RIMBP2: variants seen among roughly 807,000 people sequenced by gnomAD.
RIMBP2 encodes RIMS binding protein 2, also known as RIMS-binding protein 2.
A neutral mutation model predicts 118.6 loss-of-function variants in RIMBP2; 48 were observed. The ratio of observed to expected loss-of-function variants is 0.40; its 90% CI spans 0.32 to 0.51. The LOEUF (loss-of-function observed/expected upper bound fraction) is 0.51, where lower values mean the gene tolerates loss of function less well. Ranked by LOEUF, RIMBP2 falls within the 20% of genes least tolerant of loss-of-function variation. RIMBP2 has a pLI of 0.41. For missense variants in RIMBP2, 1,551 were observed against 1,768.3 expected, an observed-to-expected ratio of 0.88 and a Z score of 2.20; for synonymous variants, 762 against 742.9, an observed-to-expected ratio of 1.03 and a Z score of -0.42.
At chr12:130,544,908 G>A (rs1344361604) in intron 2 of RIMBP2, among the ~76,000 whole-genome samples, 1 of 152,114 alleles carries the variant, frequency 6.6e-6, no homozygotes, top group African/African-American at 2.4e-5. Flanking sequence ...TGGAGAGAGT[G>A]CGGGTGAGAG....
At chr12:130,546,326 C>T (rs1465645563) in intron 2 of RIMBP2, among the ~76,000 whole-genome samples, 2 of 152,000 alleles carry the variant, frequency 1.3e-5, no homozygotes, top group African/African-American at 2.4e-5. Context: ...GACAGAATCT[C>T]GCTCTGTCGC....
At chr12:130,646,058 ACCACCTGCCTCT>A (rs1276168428) in intron 1 of RIMBP2, among the ~76,000 whole-genome samples, 1,379 of 114,272 alleles carry the variant, frequency 0.012, 63 homozygotes, top group East Asian at 0.02. Context: ...CACCTCCCTC[ACCACCTGCCTCT>A]CCACCTCCCT....
Position 130,424,739 on chromosome 12 carries a change from G to A in RIMBP2, c.2532C>T (p.Cys844=), listed in dbSNP as rs1566010413. ...CACCCTGCTTGTGTAGCAGCCCACA[G>A]CACTCTCCGTCCTCTTCCGCTACTT... ...IPEVAEEDGE[C]CGLLHKQGAG... Residue 844 remains cysteine, a synonymous_variant, in exon 16 of 23, where the codon TGC becomes TGT. Coordinates refer to ENST00000690449, the MANE Select transcript of RIMBP2 (RefSeq NM_001393629.1). This position sits in a 1 kb window ranked among gnomAD's most constrained non-coding sequence, Gnocchi z 9.8. 28 of 1,232,264 alleles carry A rather than the reference G, an allele frequency of 2.3e-5. No individual in the cohort carries two copies. Among genetic ancestry groups the A allele is most frequent in the Non-Finnish European group, 2.8e-5 (28 of 988,072 alleles). 76.3% of individuals were successfully genotyped at this position (1,232,264 alleles called of 1,614,324 possible).
intron 1 of RIMBP2, among the ~76,000 whole-genome samples, chr12:130,684,159 T>A (rs192608140): frequency 8.0e-4 from 122 of 152,302 alleles, no homozygotes; most frequent in Non-Finnish European, 1.4e-3. Context: ...TTCTATTGAT[T>A]CCAGGTCTTC....
intron 1 of RIMBP2, among the ~76,000 whole-genome samples, chr12:130,633,604 C>A (rs1370832454): frequency 6.6e-6 from 1 of 152,142 alleles, no homozygotes; most frequent in Admixed American, 6.5e-5. Context: ...ATTTGAGCCA[C>A]AATTAAGACC....
intron 2 of RIMBP2, among the ~76,000 whole-genome samples, chr12:130,548,430 T>C (rs1417743106): frequency 1.3e-5 from 2 of 152,202 alleles, no homozygotes; most frequent in African/African-American, 2.4e-5. Context: ...AAAGCTAAGA[T>C]TGTGATCTCC....
At chr12:130,679,859 CAG>C (rs1184028810) in intron 1 of RIMBP2, among the ~76,000 whole-genome samples, 4 of 152,162 alleles carry the variant, frequency 2.6e-5, no homozygotes, top group Admixed American at 2.6e-4. Context: ...TGTGACCACG[CAG>C]AGAGTGTGTT....
rs2076603468 is a variant in RIMBP2 at position 130,424,146 on chromosome 12, G to A, written c.3125C>T (p.Pro1042Leu). The change falls in exon 16 of 23, where the codon CCC (proline) becomes CTC (leucine). Residue 1042 changes from proline to leucine, a missense_variant. Transcript: ENST00000690449. This position sits in a 1 kb window ranked among gnomAD's most constrained non-coding sequence, Gnocchi z 9.8. ...AKPPPRVAQG[P>L]LILGNPASAG... Reference sequence around the variant, plus strand: ...AAGGAAGTTTAGGTCACACACCAGGGGGCCTTGTGCGACTCTGGGAGGTGG... The same window carrying A: ...AAGGAAGTTTAGGTCACACACCAGGAGGCCTTGTGCGACTCTGGGAGGTGG... The A allele has an allele frequency of 1.6e-6, 2 of 1,229,200 alleles. No individual in the cohort carries two copies. Among genetic ancestry groups the A allele is most frequent in the East Asian group, 3.2e-5 (1 of 31,694 alleles). The allele number at this position is 1,229,200 out of a possible 1,614,324, so 76.1% of individuals were successfully genotyped here. A position where few individuals can be genotyped will look rare whatever the true frequency, so the allele number is the denominator to read the frequency against.
chr12:130,612,693 A>G (rs939106239), intron 2 of RIMBP2, among the ~76,000 whole-genome samples: 4 of 152,226 alleles, frequency 2.6e-5, no homozygotes, highest in Non-Finnish European at 5.9e-5. Context: ...CTTGTCAAAC[A>G]CAGCTCTATG....
intron 1 of RIMBP2, among the ~76,000 whole-genome samples, chr12:130,659,138 G>GCTA (rs2063547425): frequency 6.6e-6 from 1 of 152,106 alleles, no homozygotes; most frequent in Non-Finnish European, 1.5e-5. Context: ...GAAACACCGT[G>GCTA]TCAGCCACCT....
At chr12:130,701,868 C>T (rs780352709) in intron 1 of RIMBP2, among the ~76,000 whole-genome samples, 9 of 152,144 alleles carry the variant, frequency 5.9e-5, no homozygotes, top group Non-Finnish European at 1.0e-4. Flanking sequence ...CCCACCCCTT[C>T]CCATAATGCT....
chr12:130,641,312 C>T (rs1350429609), intron 1 of RIMBP2, among the ~76,000 whole-genome samples: 1 of 146,944 alleles, frequency 6.8e-6, no homozygotes, highest in African/African-American at 2.5e-5. Context: ...GCCGGACACT[C>T]GGCCCGGCAT....
chr12:130,626,866 A>G (rs2061670608), intron 2 of RIMBP2, among the ~76,000 whole-genome samples: 1 of 146,780 alleles, frequency 6.8e-6, no homozygotes, highest in Non-Finnish European at 1.5e-5. Context: ...CATCACCATC[A>G]TCTTCTCCAT....
chr12:130,521,892 G>A (rs2052166804), intron 2 of RIMBP2, among the ~76,000 whole-genome samples: 1 of 152,226 alleles, frequency 6.6e-6, no homozygotes, highest in Non-Finnish European at 1.5e-5. Context: ...AATCCTTTGA[G>A]GTTAAAGCCA....
Position 130,523,821 on chromosome 12 carries a change from G to A in RIMBP2, c.-216-5904C>T, listed in dbSNP as rs952670575. Among the ~76,000 whole-genome samples the A allele has an allele frequency of 1.3e-5, 2 of 152,168 alleles. No individual in the cohort carries two copies. The highest frequency in any genetic ancestry group is 2.9e-5 in the Non-Finnish European group (2 of 68,032). On this transcript the variant is annotated intron_variant, in intron 2 of 22. Transcript: ENST00000690449. The surrounding 1 kb of genome is among the most constrained non-coding windows in gnomAD (Gnocchi z 4.4). ...CATTCTGGGTTGAGATGTCAGGAAC[G>A]CCAGTTGCTATGGGGAGAGGTGAGA...
At chr12:130,650,979 A>C (rs1158025080) in intron 1 of RIMBP2, among the ~76,000 whole-genome samples, 1 of 148,942 alleles carries the variant, frequency 6.7e-6, no homozygotes, top group African/African-American at 2.5e-5. Context: ...AAAAAAAAGA[A>C]AGAAAAGAAA....
intron 1 of RIMBP2, among the ~76,000 whole-genome samples, chr12:130,685,972 A>T (rs551675636): frequency 6.6e-6 from 1 of 152,064 alleles, no homozygotes; most frequent in East Asian, 1.9e-4. Flanking sequence ...GGCCCCCAGC[A>T]TCCCCCCGGG....
rs1347275323 is a variant in RIMBP2, at chr12:130,457,770, C to T, written c.154-1070G>A. On this transcript the variant is annotated intron_variant, in intron 6 of 22. Transcript: ENST00000690449. ...TTCGATACTCTGCATGGACTCAGCA[C>T]CCAGCAGGTGCTCAAAGAGCGTTTG... 2.6e-5 allele frequency among the ~76,000 whole-genome samples: 4 copies of T among 152,172 alleles called. No homozygotes were observed. In the East Asian group the frequency reaches 7.7e-4, roughly 29 times the overall value.
At chr12:130,713,799 T>C (rs2136921988) in intron 1 of RIMBP2, among the ~76,000 whole-genome samples, 1 of 152,160 alleles carries the variant, frequency 6.6e-6, no homozygotes, top group East Asian at 1.9e-4. Flanking sequence ...GTTTGGCACT[T>C]GCGGGTCTAG....
Sources: allele counts gnomAD v4.1 joint callset (sites outside exome capture counted in the v4.1 genomes callset), GRCh38; gene constraint gnomAD v4.1.1; non-coding constraint Gnocchi (gnomAD v3.1); transcripts MANE v1.5; gene names NCBI Gene and HGNC (gene_info 2026-07-23, HGNC 2026-07-21).